Variants in INSM2 observed in about 807,000 individuals in gnomAD.
INSM2 encodes the protein insulinoma-associated protein 2.
A neutral mutation model predicts 30.5 loss-of-function variants in INSM2; 12 were observed. The observed-to-expected ratio is 0.39, with a 90% CI of 0.25 to 0.64. INSM2 has a LOEUF of 0.64. INSM2 is among the 30% of genes least tolerant of loss of function. The pLI is 0.47. For missense variants in INSM2, 773 were observed against 819.2 expected, an observed-to-expected ratio of 0.94 and a Z score of 0.69; for synonymous variants, 418 against 383.7, an observed-to-expected ratio of 1.09 and a Z score of -1.05.
rs960709496 is a variant in INSM2, at chr14:35,535,918, C to G, written c.1666C>G (p.Leu556Val). ...KCHPSESRQV[L>V]LLQMPLRPGC ...CCACCCCTCAGAAAGCCGGCAAGTGCTGCTGCTGCAGATGCCACTGCGGCC... is the reference window on the plus strand; with the variant it reads ...CCACCCCTCAGAAAGCCGGCAAGTGGTGCTGCTGCAGATGCCACTGCGGCC... Residue 556 changes from leucine to valine, a missense_variant, in exon 1 of 1, where the codon CTG (leucine) becomes GTG (valine). Leu to Val is a conservative substitution (Grantham distance 32). Coordinates refer to ENST00000307169, the MANE Select transcript of INSM2 (RefSeq NM_032594.4). 6.2e-7 allele frequency: 1 copy of G among 1,611,854 alleles called. No homozygotes were observed. Among genetic ancestry groups the G allele is most frequent in the African/African-American group, 1.3e-5 (1 of 75,020 alleles).
chr14:35,535,807 G>C lies in INSM2; in HGVS notation c.1555G>C (p.Gly519Arg), dbSNP rs190091421. Residue 519 changes from glycine (G) to arginine (R), a missense_variant, in exon 1 of 1, where the codon GGG becomes CGG. Transcript: ENST00000307169. ...GTCGGGCCCTAGCGGGCCATCTGAC[G>C]GGAGTGCCCAGCAAATTTTCTCGTG... is the stretch of plus-strand genomic sequence containing the variant. ...ETSGPSGPSDGSAQQIFSCKH... is the reference protein window; with the variant it reads ...ETSGPSGPSDRSAQQIFSCKH... The C allele has an allele frequency of 2.5e-6, 4 of 1,613,848 alleles. No individual in the cohort carries two copies. Among genetic ancestry groups the C allele is most frequent in the Non-Finnish European group, 2.5e-6 (3 of 1,180,010 alleles).
chr14:35,536,059 A>G lies in INSM2; in HGVS notation c.*106A>G, dbSNP rs2053597337. On this transcript the variant is annotated 3_prime_UTR_variant, in exon 1 of 1. Coordinates refer to ENST00000307169, the MANE Select transcript of INSM2 (RefSeq NM_032594.4). ...TGCAAGTTTACTTTCATTCCTTCCTATGTTTTAATCCCCTAAAATTCTCCC... is the reference window on the plus strand; with the variant it reads ...TGCAAGTTTACTTTCATTCCTTCCTGTGTTTTAATCCCCTAAAATTCTCCC... 1.5e-6 allele frequency: 2 copies of G among 1,367,166 alleles called. No homozygotes were observed. The highest frequency in any genetic ancestry group is 2.0e-6 in the Non-Finnish European group (2 of 999,114). The allele number at this position is 1,367,166 out of a possible 1,614,324, so 84.7% of individuals were successfully genotyped here.
At position 35,534,648 on chromosome 14, in the gene INSM2, C is replaced by A; in HGVS notation, c.396C>A (p.Pro132=). The change falls in exon 1 of 1, where the codon CCC becomes CCA. Residue 132 remains proline (P), a synonymous_variant. Transcript: ENST00000307169. ...TCCTGGAGCGCTGCCTCAGCTCGCCCGTCTCCGCCGAGTCTTTCCCCGGGG... is the reference window on the plus strand; with the variant it reads ...TCCTGGAGCGCTGCCTCAGCTCGCCAGTCTCCGCCGAGTCTTTCCCCGGGG... The part of the protein sequence containing the change: ...RAFLERCLSS[P]VSAESFPGGA... 1 of 1,416,766 alleles carries A rather than the reference C, an allele frequency of 7.1e-7. No homozygotes were observed. Among genetic ancestry groups the A allele is most frequent in the Non-Finnish European group, 9.1e-7 (1 of 1,098,562 alleles). 87.8% of individuals were successfully genotyped at this position (1,416,766 alleles called of 1,614,324 possible).
At position 35,534,976 on chromosome 14, in the gene INSM2, A is replaced by G. The variant is rs748985589; in HGVS notation, c.724A>G (p.Lys242Glu). ...ATCCCCTGTCCTGGGCCTGAAGATC[A>G]AGGAGGAGGAGCCCGGAGCGCCGTC... ...TTSPVLGLKI[K>E]EEEPGAPSRG... The change falls in exon 1 of 1, where the codon AAG (lysine) becomes GAG (glutamate). Residue 242 changes from lysine to glutamate, a missense_variant. Physicochemically the swap from Lys to Glu is moderately conservative, Grantham distance 56 (BLOSUM62 1). Transcript: ENST00000307169. 4.3e-5 allele frequency: 67 copies of G among 1,564,414 alleles called. No homozygotes were observed. The highest frequency in any genetic ancestry group is 5.7e-5 in the Non-Finnish European group (66 of 1,158,418).
In INSM2 at chr14:35,536,525, T is replaced by A. The variant is rs1428069447; in HGVS notation, c.*572T>A. ...TTGCTGCTTTTGGGGTGCATGGGGATCTCCCCTGTAAACTTTCCTTTGCCC... is the reference window on the plus strand; with the variant it reads ...TTGCTGCTTTTGGGGTGCATGGGGAACTCCCCTGTAAACTTTCCTTTGCCC... On this transcript the variant is annotated 3_prime_UTR_variant, in exon 1 of 1. Transcript: ENST00000307169. 1 of 167,100 alleles carries A rather than the reference T, an allele frequency of 6.0e-6. No homozygotes were observed. The highest frequency in any genetic ancestry group is 2.4e-5 in the African/African-American group (1 of 41,446). 10.4% of individuals were successfully genotyped at this position (167,100 alleles called of 1,614,324 possible). A position where few individuals can be genotyped will look rare whatever the true frequency, so the allele number is the denominator to read the frequency against.
rs2053576745 is a variant in INSM2, at chr14:35,534,232, C to A, written c.-21C>A. On this transcript the variant is annotated 5_prime_UTR_variant, in exon 1 of 1. Coordinates refer to ENST00000307169, the MANE Select transcript of INSM2 (RefSeq NM_032594.4). ...CGTGGCGCCCCCTTTCCTCTTGTCC[C>A]AGAGCGCTCTCGACTCCACCATGCC... The A allele has an allele frequency of 1.9e-6, 3 of 1,578,146 alleles. No individual in the cohort carries two copies. The South Asian group carries it at 3.4e-5, about 18-fold the overall frequency.
In INSM2 at chr14:35,535,080, C is replaced by A; in HGVS notation, c.828C>A (p.Phe276Leu). The change falls in exon 1 of 1, where the codon TTC becomes TTA. Residue 276 changes from phenylalanine (F) to leucine (L), a missense_variant. By Grantham distance (22) the Phe-to-Leu change is conservative. Transcript: ENST00000307169. Reference protein sequence around the residue: ...QLCKEQYADPFALAQHRCSRI... With the variant: ...QLCKEQYADPLALAQHRCSRI... ...GCAAGGAGCAGTACGCAGACCCCTT[C>A]GCGCTGGCCCAGCACCGCTGCTCCC... The A allele has an allele frequency of 6.2e-7, 1 of 1,600,438 alleles. No homozygotes were observed. Among genetic ancestry groups the A allele is most frequent in the Non-Finnish European group, 8.5e-7 (1 of 1,172,630 alleles).
Position 35,535,521 on chromosome 14 carries a change from C to T in INSM2, c.1269C>T (p.Ser423=), listed in dbSNP as rs148664919. 3 of 1,613,280 alleles carry T rather than the reference C, an allele frequency of 1.9e-6. No homozygotes were observed. In the South Asian group the frequency reaches 3.3e-5, roughly 18 times the overall value. Reference sequence around the variant, plus strand: ...GCAGTACCAGTGGTGGCAGGGGATCCGAGATTTTCGTGTGCCCATATTGCC... The same window carrying T: ...GCAGTACCAGTGGTGGCAGGGGATCTGAGATTTTCGTGTGCCCATATTGCC... The part of the protein sequence containing the change: ...VPGSTSGGRG[S]EIFVCPYCHK... The change falls in exon 1 of 1, where the codon TCC becomes TCT. Residue 423 remains serine, a synonymous_variant. Transcript: ENST00000307169.
chr14:35,535,798 C>T lies in INSM2; in HGVS notation c.1546C>T (p.Pro516Ser). The T allele has an allele frequency of 6.2e-7, 1 of 1,613,552 alleles. No homozygotes were observed. Among genetic ancestry groups the T allele is most frequent in the Non-Finnish European group, 8.5e-7 (1 of 1,179,972 alleles). The change falls in exon 1 of 1, where the codon CCA (proline) becomes TCA (serine). Residue 516 changes from proline to serine, a missense_variant. Physicochemically the swap from Pro to Ser is moderately conservative, Grantham distance 74. Transcript: ENST00000307169. ...TCCCGAAACGTCGGGCCCTAGCGGGCCATCTGACGGGAGTGCCCAGCAAAT... is the reference window on the plus strand; with the variant it reads ...TCCCGAAACGTCGGGCCCTAGCGGGTCATCTGACGGGAGTGCCCAGCAAAT... ...APPETSGPSG[P>S]SDGSAQQIFS...
chr14:35,536,117 T>A lies in INSM2; in HGVS notation c.*164T>A, dbSNP rs1049181305. On this transcript the variant is annotated 3_prime_UTR_variant, in exon 1 of 1. Coordinates refer to ENST00000307169, the MANE Select transcript of INSM2 (RefSeq NM_032594.4). ...AATGTTCCACCAGAGGAGCGGACAGTGAAATGTAATATCCCTCTCTAGAGC... is the reference window on the plus strand; with the variant it reads ...AATGTTCCACCAGAGGAGCGGACAGAGAAATGTAATATCCCTCTCTAGAGC... 1.2e-5 allele frequency: 9 copies of A among 767,496 alleles called. No individual in the cohort carries two copies. Among genetic ancestry groups the A allele is most frequent in the Non-Finnish European group, 1.9e-5 (9 of 473,520 alleles). 47.5% of individuals were successfully genotyped at this position (767,496 alleles called of 1,614,324 possible).
Position 35,534,246 on chromosome 14 carries a change from C to G in INSM2, c.-7C>G. The stretch of plus-strand genomic sequence containing the variant: ...TCCTCTTGTCCCAGAGCGCTCTCGA[C>G]TCCACCATGCCAAGGGGATTCCTGG... On this transcript the variant is annotated 5_prime_UTR_variant, in exon 1 of 1. Coordinates refer to ENST00000307169, the MANE Select transcript of INSM2 (RefSeq NM_032594.4). The G allele has an allele frequency of 6.3e-7, 1 of 1,587,626 alleles. No homozygotes were observed. The highest frequency in any genetic ancestry group is 1.7e-5 in the Admixed American group (1 of 58,040).
chr14:35,534,694 T>G lies in INSM2; in HGVS notation c.442T>G (p.Phe148Val). Residue 148 changes from phenylalanine to valine, a missense_variant, in exon 1 of 1, where the codon TTC (phenylalanine) becomes GTC (valine). Physicochemically the swap from Phe to Val is conservative, Grantham distance 50. Coordinates refer to ENST00000307169, the MANE Select transcript of INSM2 (RefSeq NM_032594.4). ...FPGGAAAVAA[F>V]SCSVAPAAAP... ...CGGGGGCGCCGCCGCCGTGGCCGCTTTCTCCTGCTCCGTGGCGCCAGCAGC... is the reference window on the plus strand; with the variant it reads ...CGGGGGCGCCGCCGCCGTGGCCGCTGTCTCCTGCTCCGTGGCGCCAGCAGC... 1 of 1,401,172 alleles carries G rather than the reference T, an allele frequency of 7.1e-7. No homozygotes were observed. Among genetic ancestry groups the G allele is most frequent in the East Asian group, 3.0e-5 (1 of 33,682 alleles). 86.8% of individuals were successfully genotyped at this position (1,401,172 alleles called of 1,614,324 possible).
In INSM2 at chr14:35,534,525, C is replaced by T. The variant is rs921226936; in HGVS notation, c.273C>T (p.Gly91=). 21 of 1,400,422 alleles carry T rather than the reference C, an allele frequency of 1.5e-5. No individual in the cohort carries two copies. In the Admixed American group the frequency reaches 7.1e-4, roughly 47 times the overall value. The allele number at this position is 1,400,422 out of a possible 1,614,324, so 86.7% of individuals were successfully genotyped here. The change falls in exon 1 of 1, where the codon GGC becomes GGT. Residue 91 remains glycine, a synonymous_variant. Transcript: ENST00000307169. ...GCCCGGGGACGGGCGGGCGGGAAGG[C>T]GCGGAGTGGCGGGCGGGTGGCAGGG... is the stretch of plus-strand genomic sequence containing the variant. ...GVSPGTGGRE[G]AEWRAGGREG...
Position 35,534,429 on chromosome 14 carries a change from A to T in INSM2, c.177A>T (p.Glu59Asp). 1 of 1,493,888 alleles carries T rather than the reference A, an allele frequency of 6.7e-7. No homozygotes were observed. The highest frequency in any genetic ancestry group is 8.9e-7 in the Non-Finnish European group (1 of 1,128,972). 92.5% of individuals were successfully genotyped at this position (1,493,888 alleles called of 1,614,324 possible). A position where few individuals can be genotyped will look rare whatever the true frequency, so the allele number is the denominator to read the frequency against. ...AERATPPTRE[E>D]PGKGLTAEAA... ...GGGCGACACCCCCCACCCGAGAGGAACCAGGAAAGGGGTTGACGGCGGAGG... is the reference window on the plus strand; with the variant it reads ...GGGCGACACCCCCCACCCGAGAGGATCCAGGAAAGGGGTTGACGGCGGAGG... Residue 59 changes from glutamate (E) to aspartate (D), a missense_variant, in exon 1 of 1, where the codon GAA (glutamate) becomes GAT (aspartate). Glu to Asp is a conservative substitution (Grantham distance 45). Coordinates refer to ENST00000307169, the MANE Select transcript of INSM2 (RefSeq NM_032594.4).
chr14:35,535,208 C>T lies in INSM2; in HGVS notation c.956C>T (p.Ala319Val). The T allele has an allele frequency of 5.6e-6, 9 of 1,613,020 alleles. No individual in the cohort carries two copies. The highest frequency in any genetic ancestry group is 6.8e-6 in the Non-Finnish European group (8 of 1,179,878). Reference sequence around the variant, plus strand: ...CGCTGGCATAAGCCGCGTCCTGCGGCTGCAAACGCCGCCACAGTCTCCTCC... The same window carrying T: ...CGCTGGCATAAGCCGCGTCCTGCGGTTGCAAACGCCGCCACAGTCTCCTCC... The part of the protein sequence containing the change: ...HRRWHKPRPA[A>V]ANAATVSSAD... Residue 319 changes from alanine to valine, a missense_variant, in exon 1 of 1, where the codon GCT becomes GTT. Physicochemically the swap from Ala to Val is moderately conservative, Grantham distance 64. Coordinates refer to ENST00000307169, the MANE Select transcript of INSM2 (RefSeq NM_032594.4).
rs1237187060 is a variant in INSM2 at position 35,535,327 on chromosome 14, A to G, written c.1075A>G (p.Ile359Val). Reference sequence around the variant, plus strand: ...GGCGGAGGGAAAGGAGAACAGCCGAATAGAGCGGACTGCGGATCAGCACCC... The same window carrying G: ...GGCGGAGGGAAAGGAGAACAGCCGAGTAGAGCGGACTGCGGATCAGCACCC... ...FLAEGKENSRIERTADQHPQA... is the reference protein window; with the variant it reads ...FLAEGKENSRVERTADQHPQA... The change falls in exon 1 of 1, where the codon ATA becomes GTA. Residue 359 changes from isoleucine (I) to valine (V), a missense_variant. By Grantham distance (29) the Ile-to-Val change is conservative. Coordinates refer to ENST00000307169, the MANE Select transcript of INSM2 (RefSeq NM_032594.4). The G allele has an allele frequency of 1.2e-6, 2 of 1,611,290 alleles. No individual in the cohort carries two copies. The highest frequency in any genetic ancestry group is 1.3e-5 in the African/African-American group (1 of 75,054).
chr14:35,535,817 A>G lies in INSM2; in HGVS notation c.1565A>G (p.Gln522Arg), dbSNP rs1454744815. 6.2e-7 allele frequency: 1 copy of G among 1,613,868 alleles called. No individual in the cohort carries two copies. Among genetic ancestry groups the G allele is most frequent in the Non-Finnish European group, 8.5e-7 (1 of 1,180,028 alleles). ...GPSGPSDGSA[Q>R]QIFSCKHCPS... Reference sequence around the variant, plus strand: ...AGCGGGCCATCTGACGGGAGTGCCCAGCAAATTTTCTCGTGCAAGCACTGC... The same window carrying G: ...AGCGGGCCATCTGACGGGAGTGCCCGGCAAATTTTCTCGTGCAAGCACTGC... The change falls in exon 1 of 1, where the codon CAG (glutamine) becomes CGG (arginine). Residue 522 changes from glutamine (Q) to arginine (R), a missense_variant. Gln to Arg is a conservative substitution (Grantham distance 43, BLOSUM62 1). Transcript: ENST00000307169.
At position 35,534,626 on chromosome 14, in the gene INSM2, T is replaced by C; in HGVS notation, c.374T>C (p.Leu125Pro). The C allele has an allele frequency of 1.4e-6, 2 of 1,444,430 alleles. No homozygotes were observed. The highest frequency in any genetic ancestry group is 1.8e-6 in the Non-Finnish European group (2 of 1,109,714). The allele number at this position is 1,444,430 out of a possible 1,614,324, so 89.5% of individuals were successfully genotyped here. ...GGCGCAGAGCTGCGTCGGGCGTTCC[T>C]GGAGCGCTGCCTCAGCTCGCCCGTC... The part of the protein sequence containing the change: ...PAGAELRRAF[L>P]ERCLSSPVSA... The change falls in exon 1 of 1, where the codon CTG becomes CCG. Residue 125 changes from leucine (L) to proline (P), a missense_variant. Physicochemically the swap from Leu to Pro is moderately conservative, Grantham distance 98. Coordinates refer to ENST00000307169, the MANE Select transcript of INSM2 (RefSeq NM_032594.4).
Position 35,534,465 on chromosome 14 carries a change from A to G in INSM2, c.213A>G (p.Glu71=), listed in dbSNP as rs2138912145. 3 of 1,459,076 alleles carry G rather than the reference A, an allele frequency of 2.1e-6. No individual in the cohort carries two copies. The highest frequency in any genetic ancestry group is 2.8e-5 in the East Asian group (1 of 36,280). 90.4% of individuals were successfully genotyped at this position (1,459,076 alleles called of 1,614,324 possible). The change falls in exon 1 of 1, where the codon GAA becomes GAG. Residue 71 remains glutamate, a synonymous_variant. Coordinates refer to ENST00000307169, the MANE Select transcript of INSM2 (RefSeq NM_032594.4). ...GGTTGACGGCGGAGGCGGCCCGGGA[A>G]CAGTCGGGGTCGCCATGTCGGGCGG... The part of the protein sequence containing the change: ...GKGLTAEAAR[E]QSGSPCRAAG...
Sources: gnomAD v4.1 joint callset for allele counts on GRCh38, gnomAD v4.1.1 for gene constraint, MANE v1.5 for transcripts, NCBI Gene and HGNC (gene_info 2026-07-23, HGNC 2026-07-21) for gene names.